IL1RAPL1: variants seen among roughly 807,000 people sequenced by gnomAD.
The protein encoded by IL1RAPL1 is interleukin 1 receptor accessory protein like 1, also known as interleukin-1 receptor accessory protein-like 1.
A neutral mutation model predicts 48.4 loss-of-function variants in IL1RAPL1; 3 were observed. That is an observed-to-expected ratio of 0.06 (90% CI 0.03 to 0.16). The LOEUF is 0.16. Ranked by LOEUF, IL1RAPL1 falls within the 10% of genes least tolerant of loss-of-function variation. IL1RAPL1 has a pLI of 1.00. For missense variants in IL1RAPL1, 349 were observed against 530.6 expected (o/e 0.66, Z 3.36); for synonymous variants, 185 against 187.7 (o/e 0.99, Z 0.12).
chrX:29,302,773 G>A (rs1343291580), intron 3 of IL1RAPL1, among the ~76,000 whole-genome samples: 1 of 111,721 alleles, frequency 9.0e-6, no homozygotes, highest in Non-Finnish European at 1.9e-5. Flanking sequence ...TTGGAGAGTA[G>A]CATCTAACTA....
intron 2 of IL1RAPL1, among the ~76,000 whole-genome samples, chrX:28,962,028 A>T (rs754533113): frequency 1.2e-4 from 13 of 112,031 alleles, no homozygotes; most frequent in Non-Finnish European, 1.9e-4. Flanking sequence ...CTAAATTCAC[A>T]TATTTACATC....
chrX:28,979,877 A>G (rs1286074443), intron 2 of IL1RAPL1, among the ~76,000 whole-genome samples: 1 of 112,060 alleles, frequency 8.9e-6, no homozygotes, highest in Non-Finnish European at 1.9e-5. Flanking sequence ...GAAGCCCTTA[A>G]TCTACCACAT....
rs1422534109 is a variant in IL1RAPL1, at chrX:29,283,185, A to G, written c.330A>G (p.Leu110=). The change falls in exon 3 of 11, where the codon CTA becomes CTG. Residue 110 remains leucine, a synonymous_variant. Coordinates refer to ENST00000378993, the MANE Select transcript of IL1RAPL1 (RefSeq NM_014271.4). ...CCATTTGGTTCCGGCCAACATTGCTACAGGACAGTGGTCTCTACGCCTGTG... is the reference window on the plus strand; with the variant it reads ...CCATTTGGTTCCGGCCAACATTGCTGCAGGACAGTGGTCTCTACGCCTGTG... The part of the protein sequence containing the change: ...EDSIWFRPTL[L]QDSGLYACVI... 1.7e-6 allele frequency: 2 copies of G among 1,210,011 alleles called. No homozygotes were observed. The highest frequency in any genetic ancestry group is 2.2e-5 in the Admixed American group (1 of 45,755).
intron 2 of IL1RAPL1, among the ~76,000 whole-genome samples, chrX:29,028,316 G>A (rs1289317000): frequency 5.5e-5 from 5 of 91,230 alleles, no homozygotes; most frequent in African/African-American, 2.1e-4. Flanking sequence ...TTTTTGAGAC[G>A]GAGTCTTGCT....
intron 2 of IL1RAPL1, among the ~76,000 whole-genome samples, chrX:29,201,513 A>T (rs1266711886): frequency 9.0e-6 from 1 of 111,689 alleles, no homozygotes; most frequent in African/African-American, 3.2e-5. Flanking sequence ...GTCATAATAT[A>T]AAGAGTCCCT....
intron 2 of IL1RAPL1, among the ~76,000 whole-genome samples, chrX:29,134,761 G>C (rs1014589624): frequency 9.0e-6 from 1 of 110,942 alleles, no homozygotes; most frequent in African/African-American, 3.3e-5. Flanking sequence ...CTTTGGTAAA[G>C]TTCTTCTAAT....
At chrX:29,846,054 G>T (rs1319608334) in intron 6 of IL1RAPL1, among the ~76,000 whole-genome samples, 1 of 111,251 alleles carries the variant, frequency 9.0e-6, no homozygotes, top group Non-Finnish European at 1.9e-5. Context: ...TACATTTCAC[G>T]TGAGATTTGG....
chrX:28,694,209 C>T (rs1174368351), intron 1 of IL1RAPL1, among the ~76,000 whole-genome samples: 1 of 111,986 alleles, frequency 8.9e-6, no homozygotes, highest in African/African-American at 3.2e-5. Flanking sequence ...ATATAGGCCA[C>T]TGCCAATCAG....
intron 6 of IL1RAPL1, among the ~76,000 whole-genome samples, chrX:29,753,180 A>G (rs1198135214): frequency 1.8e-5 from 2 of 112,291 alleles, no homozygotes; most frequent in Non-Finnish European, 3.8e-5. Context: ...ATTTAATTAT[A>G]TCAGTCAAAA....
intron 1 of IL1RAPL1, among the ~76,000 whole-genome samples, chrX:28,632,979 C>A (rs1351719324): frequency 9.3e-6 from 1 of 107,038 alleles, no homozygotes; most frequent in East Asian, 2.9e-4. Context: ...GCCTTCGCCT[C>A]CTGGGTTCAA....
chrX:29,342,451 G>T (rs1303781975), intron 3 of IL1RAPL1, among the ~76,000 whole-genome samples: 1 of 111,650 alleles, frequency 9.0e-6, no homozygotes, highest in Non-Finnish European at 1.9e-5. Flanking sequence ...TCCAATTTTA[G>T]TTCCATTTAG....
intron 2 of IL1RAPL1, among the ~76,000 whole-genome samples, chrX:29,243,323 C>T (rs1156756457): frequency 2.7e-5 from 3 of 112,220 alleles, no homozygotes; most frequent in Non-Finnish European, 5.6e-5. Context: ...GCATCTGGCT[C>T]CGCAGCCACC....
At chrX:28,767,235 A>G (rs1459976709) in intron 1 of IL1RAPL1, among the ~76,000 whole-genome samples, 1 of 111,443 alleles carries the variant, frequency 9.0e-6, no homozygotes, top group African/African-American at 3.3e-5. Flanking sequence ...AGCCATTTTA[A>G]CTGAGGTTAG....
At chrX:29,681,472 C>T (rs1020903866) in intron 6 of IL1RAPL1, among the ~76,000 whole-genome samples, 13 of 112,203 alleles carry the variant, frequency 1.2e-4, no homozygotes, top group African/African-American at 3.9e-4. Context: ...ATGAAATGGG[C>T]AAATTCTCTT....
chrX:29,120,419 T>G (rs225042), intron 2 of IL1RAPL1, among the ~76,000 whole-genome samples: 39,769 of 110,628 alleles, frequency 0.36, 6,239 homozygotes, highest in Non-Finnish European at 0.49. Flanking sequence ...TTGCTTATTT[T>G]TGCTGATTTG....
intron 1 of IL1RAPL1, among the ~76,000 whole-genome samples, chrX:28,737,248 T>TTTCTTTCC (rs1935853019): frequency 1.0e-5 from 1 of 98,541 alleles, no homozygotes; most frequent in Non-Finnish European, 2.0e-5. Flanking sequence ...TCTTTCTTTC[T>TTTCTTTCC]TTCTTTCTTT....
intron 2 of IL1RAPL1, among the ~76,000 whole-genome samples, chrX:28,836,747 G>GCATCATCATCGT (rs1214542840): frequency 1.8e-5 from 2 of 109,721 alleles, no homozygotes; most frequent in African/African-American, 6.6e-5. Context: ...GTCATCATCG[G>GCATCATCATCGT]CATCATCATC....
intron 5 of IL1RAPL1, among the ~76,000 whole-genome samples, chrX:29,433,693 G>GT (rs1371357242): frequency 1.8e-5 from 2 of 111,315 alleles, no homozygotes; most frequent in African/African-American, 6.5e-5. Context: ...TAGACACAAA[G>GT]TAAGTCTTCA....
intron 5 of IL1RAPL1, among the ~76,000 whole-genome samples, chrX:29,452,561 T>C (rs894961898): frequency 8.9e-6 from 1 of 111,866 alleles, no homozygotes; most frequent in African/African-American, 3.2e-5. Flanking sequence ...TTGTGGATGG[T>C]ACAGCTTTGT....
Sources: allele counts gnomAD v4.1 joint callset (sites outside exome capture counted in the v4.1 genomes callset), GRCh38; gene constraint gnomAD v4.1.1; transcripts MANE v1.5; gene names NCBI Gene and HGNC (gene_info 2026-07-23, HGNC 2026-07-21).